The following GFRA1 variants were observed in gnomAD, a reference collection of about 807,000 sequenced individuals.
The protein encoded by GFRA1 is GDNF family receptor alpha-1.
GFRA1 carries 16 observed loss-of-function variants against 51.6 expected under a neutral mutation model. The ratio of observed to expected loss-of-function variants is 0.31; its 90% CI spans 0.21 to 0.47. The LOEUF is 0.47. Among genes scored for constraint, GFRA1 ranks in the 20% least tolerant of loss-of-function variants. GFRA1 has a pLI of 1.00. For synonymous variants in GFRA1, 270 were observed against 241.3 expected (o/e 1.12, Z -1.10); for missense variants, 530 against 594.3 (o/e 0.89, Z 1.13).
intron 5 of GFRA1, among the ~76,000 whole-genome samples, chr10:116,161,410 G>A (rs940261736): frequency 5.9e-5 from 9 of 152,178 alleles, no homozygotes; most frequent in East Asian, 1.9e-4. Flanking sequence ...AAGCAGCAGC[G>A]TTTCCATAAT....
chr10:116,238,369 A>G (rs933408777), intron 4 of GFRA1, among the ~76,000 whole-genome samples: 1 of 152,212 alleles, frequency 6.6e-6, no homozygotes, highest in African/African-American at 2.4e-5. Flanking sequence ...TACCATCTGC[A>G]TTCAGCCTCC....
intron 4 of GFRA1, among the ~76,000 whole-genome samples, chr10:116,253,154 A>G (rs1446269408): frequency 1.3e-5 from 2 of 152,202 alleles, no homozygotes; most frequent in African/African-American, 4.8e-5. Flanking sequence ...TCATCCACCA[A>G]TTCCCCAGGG....
intron 5 of GFRA1, among the ~76,000 whole-genome samples, chr10:116,141,184 G>T (rs1300979401): frequency 1.3e-5 from 2 of 152,176 alleles, no homozygotes; most frequent in Non-Finnish European, 2.9e-5. Flanking sequence ...GGCTTGTGCT[G>T]GATAATGGCC....
chr10:116,243,216 A>C (rs1470322259), intron 4 of GFRA1, among the ~76,000 whole-genome samples: 3 of 152,222 alleles, frequency 2.0e-5, no homozygotes, highest in Admixed American at 2.0e-4. Context: ...ATGCAGCCCC[A>C]AACTATAAAT....
intron 9 of GFRA1, among the ~76,000 whole-genome samples, chr10:116,068,741 T>C (rs1215303005): frequency 6.6e-6 from 1 of 152,192 alleles, no homozygotes. Flanking sequence ...AAGGCTTTTA[T>C]CCCAAGCATT....
chr10:116,092,437 G>A (rs1463844492), intron 8 of GFRA1, among the ~76,000 whole-genome samples: 1 of 152,060 alleles, frequency 6.6e-6, no homozygotes, highest in African/African-American at 2.4e-5. Flanking sequence ...TGTATGCATA[G>A]TAAACTATTA....
chr10:116,199,508 C>A (rs1388229627), intron 5 of GFRA1, among the ~76,000 whole-genome samples: 1 of 152,240 alleles, frequency 6.6e-6, no homozygotes, highest in African/African-American at 2.4e-5. Context: ...CTCCTACCCC[C>A]AGACTCTACC....
intron 9 of GFRA1, among the ~76,000 whole-genome samples, chr10:116,068,095 A>C (rs1955197928): frequency 6.6e-6 from 1 of 152,218 alleles, no homozygotes; most frequent in Non-Finnish European, 1.5e-5. Context: ...GCTGAGTCCA[A>C]GTAAGAATAC....
intron 4 of GFRA1, among the ~76,000 whole-genome samples, chr10:116,247,064 T>C (rs1387113683): frequency 6.6e-6 from 1 of 152,182 alleles, no homozygotes; most frequent in Non-Finnish European, 1.5e-5. Context: ...CAAAAAGTAT[T>C]TCAATGTGTC....
At chr10:116,248,602 G>A (rs375364654) in intron 4 of GFRA1, among the ~76,000 whole-genome samples, 6 of 152,220 alleles carry the variant, frequency 3.9e-5, no homozygotes, top group African/African-American at 1.4e-4. Context: ...CAAAACAACC[G>A]AAAGTGACTT....
intron 4 of GFRA1, among the ~76,000 whole-genome samples, chr10:116,223,220 G>T (rs1042856439): frequency 1.3e-5 from 2 of 152,156 alleles, no homozygotes; most frequent in African/African-American, 4.8e-5. Context: ...AAATGTGAGA[G>T]AACATCTCTA....
intron 4 of GFRA1, chr10:116,255,786 C>G (rs1968791335): frequency 7.9e-7 from 1 of 1,270,124 alleles, no homozygotes. Context: ...ATCTCCCCAG[C>G]AGCTAGCACA....
At chr10:116,162,883 T>G (rs1959975299) in intron 5 of GFRA1, among the ~76,000 whole-genome samples, 1 of 152,188 alleles carries the variant, frequency 6.6e-6, no homozygotes, top group Non-Finnish European at 1.5e-5. Flanking sequence ...GAAATATGAC[T>G]TGAGTCACAA....
chr10:116,124,106 T>A (rs1322450280), intron 6 of GFRA1, among the ~76,000 whole-genome samples: 1 of 152,128 alleles, frequency 6.6e-6, no homozygotes, highest in East Asian at 1.9e-4. Flanking sequence ...GGTTTCACCA[T>A]GTTGGCCAGG....
intron 4 of GFRA1, among the ~76,000 whole-genome samples, chr10:116,267,756 A>G (rs1969777385): frequency 6.6e-6 from 1 of 152,176 alleles, no homozygotes; most frequent in Admixed American, 6.5e-5. Flanking sequence ...TTAGGTGGTC[A>G]CATACGTTTG....
At chr10:116,091,435 A>G (rs1565567764) in intron 8 of GFRA1, among the ~76,000 whole-genome samples, 2 of 152,208 alleles carry the variant, frequency 1.3e-5, no homozygotes, top group Admixed American at 1.3e-4. Context: ...AGAGGCATTG[A>G]CTGGGGAGAG....
At chr10:116,110,789 AAAG>A (rs1231213158) in intron 6 of GFRA1, among the ~76,000 whole-genome samples, 2 of 152,198 alleles carry the variant, frequency 1.3e-5, no homozygotes, top group Non-Finnish European at 2.9e-5. Context: ...GGACAGGAAC[AAAG>A]AAGGAGAAGG....
Position 116,146,809 on chromosome 10 carries a change from G to A in GFRA1, c.434-21252C>T, listed in dbSNP as rs530397191. On this transcript the variant is annotated intron_variant, in intron 5 of 10. Coordinates refer to ENST00000355422, the MANE Select transcript of GFRA1 (RefSeq NM_005264.8). ...GGGAAGAAAGCTCAGAGTGAAAAGCGACAGTGATCTTCACCAATTGCAGTT... is the reference window on the plus strand; with the variant it reads ...GGGAAGAAAGCTCAGAGTGAAAAGCAACAGTGATCTTCACCAATTGCAGTT... Among the ~76,000 whole-genome samples, 11 of 152,280 alleles carry A rather than the reference G, an allele frequency of 7.2e-5. No homozygotes were observed. The East Asian group carries it at 2.1e-3, about 29-fold the overall frequency.
rs77740359 is a variant in GFRA1, at chr10:116,224,191, G to A, written c.419-12546C>T. 2.7e-4 allele frequency among the ~76,000 whole-genome samples: 41 copies of A among 152,278 alleles called. No individual in the cohort carries two copies. The East Asian group carries it at 4.6e-3, about 17-fold the overall frequency. On this transcript the variant is annotated intron_variant, in intron 4 of 10. Coordinates refer to ENST00000355422, the MANE Select transcript of GFRA1 (RefSeq NM_005264.8). ...AGATGGCTATACTCAAAAAGATAAT[G>A]ACAAGTGCTGGTGATTATGTAGAGA...
Sources: allele counts gnomAD v4.1 joint callset (sites outside exome capture counted in the v4.1 genomes callset), GRCh38; gene constraint gnomAD v4.1.1; transcripts MANE v1.5; gene names NCBI Gene and HGNC (gene_info 2026-07-23, HGNC 2026-07-21).